The following WDR70 variants were observed in gnomAD, a reference collection of about 807,000 sequenced individuals.
WDR70 encodes the protein WD repeat-containing protein 70.
WDR70 carries 53 observed loss-of-function variants against 88.6 expected under a neutral mutation model. The ratio of observed to expected loss-of-function variants is 0.60; its 90% confidence interval spans 0.48 to 0.75. The LOEUF (loss-of-function observed/expected upper bound fraction) is 0.75, where lower values mean the gene tolerates loss of function less well. WDR70 is among the 30% of genes least tolerant of loss of function. WDR70 has a pLI of 0.00. For synonymous variants in WDR70, 280 were observed against 270.0 expected (o/e 1.04, Z -0.36); for missense variants, 610 against 823.2 (o/e 0.74, Z 3.17).
intron 10 of WDR70, among the ~76,000 whole-genome samples, chr5:37,639,084 AGAGT>A (rs1163216358): frequency 6.6e-6 from 1 of 152,250 alleles, no homozygotes; most frequent in Non-Finnish European, 1.5e-5. Flanking sequence ...AAACAAACCC[AGAGT>A]GAGTATTTAT....
At chr5:37,741,710 A>G (rs2973072) in intron 17 of WDR70, among the ~76,000 whole-genome samples, 5,157 of 152,252 alleles carry the variant, frequency 0.034, 303 homozygotes, top group African/African-American at 0.12. Context: ...CTAACAGGCC[A>G]TGGACCAATA....
Position 37,721,205 on chromosome 5 carries a change from A to G in WDR70, c.1507A>G (p.Lys503Glu). 6.2e-7 allele frequency: 1 copy of G among 1,613,566 alleles called. No homozygotes were observed. The highest frequency in any genetic ancestry group is 8.5e-7 in the Non-Finnish European group (1 of 1,179,634). ...GLAKVYYDPN[K>E]SQRGAKLCVV... is the part of the protein sequence containing the mutation. ...GGCTAAAGTCTATTACGACCCCAAC[A>G]AGAGTCAGAGGTATTTCATAAGTAT... Residue 503 changes from lysine (K) to glutamate (E), a missense_variant, in exon 14 of 18, where the codon AAG becomes GAG. By Grantham distance (56) the Lys-to-Glu change is moderately conservative. This residue lies in a region of WDR70 where 254 missense variants were observed against 300.7 expected (regional missense o/e 0.84). Transcript: ENST00000265107.
intron 17 of WDR70, among the ~76,000 whole-genome samples, chr5:37,743,345 AC>A (rs1454975554): frequency 6.6e-6 from 1 of 152,148 alleles, no homozygotes; most frequent in Non-Finnish European, 1.5e-5. Context: ...TAGCATCCTA[AC>A]CCCGGAATGT....
intron 7 of WDR70, among the ~76,000 whole-genome samples, chr5:37,465,590 G>C (rs1210803476): frequency 6.6e-6 from 1 of 151,456 alleles, no homozygotes; most frequent in Non-Finnish European, 1.5e-5. Context: ...TTCTATTGAG[G>C]TCTGGCCAGA....
At chr5:37,487,634 T>A (rs1264320229) in intron 8 of WDR70, among the ~76,000 whole-genome samples, 5 of 143,182 alleles carry the variant, frequency 3.5e-5, no homozygotes, top group African/African-American at 1.3e-4. Flanking sequence ...TGTATTTTTT[T>A]TTTTTTTTTT....
At chr5:37,396,257 A>T in intron 4 of WDR70, 118 bp from the exon 5 acceptor site, 1 of 1,351,900 alleles carries the variant, frequency 7.4e-7, no homozygotes, top group Non-Finnish European at 9.7e-7. Flanking sequence ...ATTTAAAAAA[A>T]TTAAAAAATA....
chr5:37,612,132 T>C (rs934940302), intron 10 of WDR70, among the ~76,000 whole-genome samples: 1 of 152,146 alleles, frequency 6.6e-6, no homozygotes, highest in Non-Finnish European at 1.5e-5. Flanking sequence ...AAGAACTCTA[T>C]TTTATTTTTA....
intron 5 of WDR70, among the ~76,000 whole-genome samples, chr5:37,415,984 G>A (rs62360221): frequency 0.97 from 146,160 of 150,492 alleles, 71,132 homozygotes; most frequent in East Asian, 1. Flanking sequence ...CTCACTTCCT[G>A]GATGGGATGG....
At chr5:37,732,954 T>C (rs367815431) in intron 17 of WDR70, among the ~76,000 whole-genome samples, 3 of 152,156 alleles carry the variant, frequency 2.0e-5, no homozygotes, top group East Asian at 3.9e-4. Context: ...CTCAATACTT[T>C]TATGGATTTT....
chr5:37,641,273 G>A (rs759480436), intron 10 of WDR70, among the ~76,000 whole-genome samples: 5 of 151,968 alleles, frequency 3.3e-5, no homozygotes, highest in Non-Finnish European at 7.4e-5. Context: ...ATGCCACCAT[G>A]CCCAGCTAAT....
rs538666341 is a variant in WDR70 at position 37,419,049 on chromosome 5, C to G, written c.493-18873C>G. On this transcript the variant is annotated intron_variant, in intron 5 of 17. Transcript: ENST00000265107. ...AAAGTGCTGGGATTACAGGTGTGAGCCACCATGTTGGGCCCAGTAATTTCT... is the reference window on the plus strand; with the variant it reads ...AAAGTGCTGGGATTACAGGTGTGAGGCACCATGTTGGGCCCAGTAATTTCT... Among the ~76,000 whole-genome samples the G allele has an allele frequency of 2.6e-5, 4 of 152,176 alleles. No individual in the cohort carries two copies. The South Asian group carries it at 6.2e-4, about 24-fold the overall frequency.
At chr5:37,705,232 T>G (rs1040338727) in intron 13 of WDR70, among the ~76,000 whole-genome samples, 2 of 152,142 alleles carry the variant, frequency 1.3e-5, no homozygotes, top group African/African-American at 4.8e-5. Context: ...AGTGCATAGT[T>G]GAAATGTTGA....
At chr5:37,381,398 T>A (rs1748419557) in intron 2 of WDR70, among the ~76,000 whole-genome samples, 1 of 152,186 alleles carries the variant, frequency 6.6e-6, no homozygotes, top group Non-Finnish European at 1.5e-5. Flanking sequence ...GATGGGAAAG[T>A]TGCCTGGTTA....
At chr5:37,607,502 A>T (rs1744067066) in intron 10 of WDR70, among the ~76,000 whole-genome samples, 1 of 152,308 alleles carries the variant, frequency 6.6e-6, no homozygotes, top group African/African-American at 2.4e-5. Context: ...TTTAGAAGTA[A>T]GGTATCTCTA....
At chr5:37,597,622 C>T (rs539843655) in intron 9 of WDR70, among the ~76,000 whole-genome samples, 7 of 152,138 alleles carry the variant, frequency 4.6e-5, no homozygotes, top group East Asian at 1.9e-4. Flanking sequence ...AAAAAGAGTC[C>T]GGCTTTCTTG....
intron 9 of WDR70, among the ~76,000 whole-genome samples, chr5:37,538,285 C>T (rs948146980): frequency 1.3e-5 from 2 of 152,176 alleles, no homozygotes; most frequent in South Asian, 2.1e-4. Context: ...AATACTATGA[C>T]CATGGTGTAG....
Position 37,579,069 on chromosome 5 carries a change from G to A in WDR70, c.918-25995G>A, listed in dbSNP as rs879487570. Among the ~76,000 whole-genome samples, 11 of 152,198 alleles carry A rather than the reference G, an allele frequency of 7.2e-5. No homozygotes were observed. The South Asian group carries it at 8.3e-4, about 11-fold the overall frequency. On this transcript the variant is annotated intron_variant, in intron 9 of 17. Coordinates refer to ENST00000265107, the MANE Select transcript of WDR70 (RefSeq NM_018034.4). The stretch of plus-strand genomic sequence containing the variant: ...GAAATACTGGAATGAAGGAGCAAGC[G>A]AATGAATCAAGGCATGTAACCAGAC...
intron 10 of WDR70, among the ~76,000 whole-genome samples, chr5:37,665,253 C>T (rs1345358233): frequency 6.6e-6 from 1 of 152,176 alleles, no homozygotes; most frequent in Non-Finnish European, 1.5e-5. Context: ...ATTCTCATCA[C>T]TTTGTCTCCT....
chr5:37,693,918 A>T (rs995232924), intron 10 of WDR70, among the ~76,000 whole-genome samples: 1 of 152,230 alleles, frequency 6.6e-6, no homozygotes, highest in African/African-American at 2.4e-5. Flanking sequence ...TGAACAGGCA[A>T]CCTACAAAAT....
Sources: allele counts gnomAD v4.1 joint callset (sites outside exome capture counted in the v4.1 genomes callset), GRCh38; gene constraint gnomAD v4.1.1; regional missense constraint gnomAD v4.1.1; transcripts MANE v1.5; gene names NCBI Gene and HGNC (gene_info 2026-07-23, HGNC 2026-07-21).